Variants in SLC14A2 observed in about 807,000 individuals in gnomAD.
SLC14A2 encodes solute carrier family 14 member 2, also known as urea transporter 2.
SLC14A2 carries 91 observed loss-of-function variants against 104.6 expected under a neutral mutation model. The observed-to-expected ratio is 0.87, with a 90% CI of 0.73 to 1.04. The LOEUF (loss-of-function observed/expected upper bound fraction) is 1.04. Ranked by LOEUF, SLC14A2 falls within the 50% of genes least tolerant of loss-of-function variation. The pLI is 0.00. For synonymous variants in SLC14A2, 476 were observed against 466.4 expected, an observed-to-expected ratio of 1.02 and a Z score of -0.27; for missense variants, 1,189 against 1,156.0, an observed-to-expected ratio of 1.03 and a Z score of -0.41.
chr18:45,582,079 G>T (rs1427292931), intron 2 of SLC14A2, among the ~76,000 whole-genome samples: 7 of 152,200 alleles, frequency 4.6e-5, no homozygotes, highest in African/African-American at 1.7e-4. Flanking sequence ...TAGATGAAAA[G>T]AGAAAAGGTC....
chr18:45,364,982 TG>T (rs1481716011), intron 1 of SLC14A2, among the ~76,000 whole-genome samples: 3 of 152,170 alleles, frequency 2.0e-5, no homozygotes, highest in African/African-American at 7.2e-5. Context: ...TCGCAGATTT[TG>T]GGGGGTCATA....
chr18:45,644,431 T>C (rs1470719001), intron 10 of SLC14A2: 9 of 348,030 alleles, frequency 2.6e-5, no homozygotes, highest in Admixed American at 4.3e-5. Flanking sequence ...GTCTTAAATG[T>C]TGTTGACTTA....
chr18:45,631,572 C>G (rs1005844327), intron 4 of SLC14A2, among the ~76,000 whole-genome samples: 2 of 152,256 alleles, frequency 1.3e-5, no homozygotes, highest in Non-Finnish European at 1.5e-5. Flanking sequence ...AGCTTATTCA[C>G]TCTGTTGCAG....
chr18:45,657,114 A>G (rs1472966167), intron 10 of SLC14A2, among the ~76,000 whole-genome samples: 1 of 152,158 alleles, frequency 6.6e-6, no homozygotes, highest in Non-Finnish European at 1.5e-5. Context: ...CCATGGTTTA[A>G]AGAGAAATAG....
intron 11 of SLC14A2, among the ~76,000 whole-genome samples, chr18:45,665,306 C>A (rs1440614446): frequency 6.6e-6 from 1 of 152,100 alleles, no homozygotes; most frequent in East Asian, 1.9e-4. Context: ...AGGAGGGAAC[C>A]AAAGCATCAA....
intron 2 of SLC14A2, among the ~76,000 whole-genome samples, chr18:45,525,016 GCAGCTTTTAATATC>G (rs2043572760): frequency 6.6e-6 from 1 of 152,088 alleles, no homozygotes; most frequent in Admixed American, 6.6e-5. Flanking sequence ...AAGCTTATGG[GCAGCTTTTAATATC>G]CACCTCCCTA....
chr18:45,504,569 C>T (rs1453032070), intron 2 of SLC14A2, among the ~76,000 whole-genome samples: 1 of 152,180 alleles, frequency 6.6e-6, no homozygotes, highest in East Asian at 1.9e-4. Context: ...ATTTGTTTGC[C>T]TTATGTGGAT....
At chr18:45,298,365 C>G (rs2084936592) in intron 1 of SLC14A2, among the ~76,000 whole-genome samples, 1 of 152,182 alleles carries the variant, frequency 6.6e-6, no homozygotes, top group African/African-American at 2.4e-5. Flanking sequence ...GCTTGTTTCC[C>G]CTTTGATGCG....
At chr18:45,346,150 A>G (rs188454541) in intron 1 of SLC14A2, among the ~76,000 whole-genome samples, 188 of 152,092 alleles carry the variant, frequency 1.2e-3, no homozygotes, top group Non-Finnish European at 2.5e-3. Flanking sequence ...CTCCTTTTCT[A>G]CTGGGTTCTC....
chr18:45,332,035 G>A (rs1443442080), intron 1 of SLC14A2, among the ~76,000 whole-genome samples: 2 of 152,124 alleles, frequency 1.3e-5, no homozygotes, highest in Non-Finnish European at 2.9e-5. Context: ...TATTTGTAAA[G>A]AATAAATCCT....
At chr18:45,493,614 C>T (rs1037772951) in intron 2 of SLC14A2, among the ~76,000 whole-genome samples, 23 of 152,322 alleles carry the variant, frequency 1.5e-4, no homozygotes, top group African/African-American at 5.3e-4. Context: ...CACTCTGACT[C>T]GAGAGACTGT....
chr18:45,571,918 C>G (rs528340860), intron 2 of SLC14A2, among the ~76,000 whole-genome samples: 1 of 152,296 alleles, frequency 6.6e-6, no homozygotes, highest in Admixed American at 6.5e-5. Context: ...GCTTGCTCCT[C>G]CAGGGGCAGT....
upstream of SLC14A2, among the ~76,000 whole-genome samples, chr18:45,208,257 A>T (rs984785418): frequency 3.9e-5 from 6 of 152,276 alleles, no homozygotes; most frequent in Admixed American, 6.5e-5. Flanking sequence ...TAAAATATAT[A>T]TTTTTTTCTC....
intron 1 of SLC14A2, among the ~76,000 whole-genome samples, chr18:45,245,070 G>T (rs1348578909): frequency 6.6e-6 from 1 of 152,160 alleles, no homozygotes; most frequent in African/African-American, 2.4e-5. Flanking sequence ...ACAATGAAAT[G>T]AAGGGTGCCT....
intron 16 of SLC14A2, among the ~76,000 whole-genome samples, chr18:45,671,994 A>C (rs2144646882): frequency 6.6e-6 from 1 of 152,280 alleles, no homozygotes; most frequent in East Asian, 1.9e-4. Context: ...ATTCACAGAC[A>C]GGCCCCACCA....
At chr18:45,537,015 TCTCTC>T (rs2043797776) in intron 2 of SLC14A2, among the ~76,000 whole-genome samples, 2 of 108,082 alleles carry the variant, frequency 1.9e-5, no homozygotes, top group South Asian at 3.6e-4. Context: ...TTCGTCCCCC[TCTCTC>T]CCCTCCCTCC....
chr18:45,626,605 C>A (rs1309012667), intron 3 of SLC14A2, among the ~76,000 whole-genome samples: 1 of 152,138 alleles, frequency 6.6e-6, no homozygotes, highest in South Asian at 2.1e-4. Context: ...CCCACCCCCC[C>A]ACCTTCCCCA....
chr18:45,460,289 C>T (rs1211863919), intron 1 of SLC14A2, among the ~76,000 whole-genome samples: 1 of 152,180 alleles, frequency 6.6e-6, no homozygotes, highest in African/African-American at 2.4e-5. Flanking sequence ...CTGTGAATCA[C>T]ACACTGACTC....
rs147752768 is a variant in SLC14A2, at chr18:45,413,998, A to G, written c.-124-69235A>G. ...TGGAGGTCTATATTTGAAGAATGAGACCTGTGCCTCGTACAAAAAAAGTAT... is the reference window on the plus strand; with the variant it reads ...TGGAGGTCTATATTTGAAGAATGAGGCCTGTGCCTCGTACAAAAAAAGTAT... On this transcript the variant is annotated intron_variant, in intron 1 of 20. Transcript: ENST00000586448. Among the ~76,000 whole-genome samples, 76 of 152,302 alleles carry G rather than the reference A, an allele frequency of 5.0e-4. No homozygotes were observed. In the East Asian group the frequency reaches 0.014, roughly 29 times the overall value.
Sources: allele counts gnomAD v4.1 joint callset (sites outside exome capture counted in the v4.1 genomes callset), GRCh38; gene constraint gnomAD v4.1.1; transcripts MANE v1.5; gene names NCBI Gene and HGNC (gene_info 2026-07-23, HGNC 2026-07-21).